RIC8B: variants seen among roughly 807,000 people sequenced by gnomAD.
RIC8B encodes RIC8 guanine nucleotide exchange factor B.
RIC8B carries 16 observed loss-of-function variants against 57.5 expected under a neutral mutation model. That is an observed-to-expected ratio of 0.28 (90% CI 0.19 to 0.42). RIC8B has a LOEUF of 0.42. Among genes scored for constraint, RIC8B ranks in the 10% least tolerant of loss-of-function variants. RIC8B has a pLI of 1.00. For synonymous variants in RIC8B, 216 were observed against 250.8 expected (o/e 0.86, Z 1.31); for missense variants, 481 against 677.0 (o/e 0.71, Z 3.21).
intron 2 of RIC8B, among the ~76,000 whole-genome samples, 191 bp from the exon 3 acceptor site, chr12:106,814,505 T>G (rs1251301285): frequency 6.6e-6 from 1 of 152,238 alleles, no homozygotes; most frequent in Admixed American, 6.5e-5. Context: ...ACAGCTATGA[T>G]TCAAACTGAT....
At chr12:106,852,367 A>AC (rs1372081844) in intron 7 of RIC8B, among the ~76,000 whole-genome samples, 1 of 152,188 alleles carries the variant, frequency 6.6e-6, no homozygotes, top group African/African-American at 2.4e-5. Context: ...TTTTTAAAGT[A>AC]CCCCAGTTTT....
intron 8 of RIC8B, among the ~76,000 whole-genome samples, chr12:106,870,241 C>T (rs1231776967): frequency 1.3e-5 from 2 of 152,032 alleles, no homozygotes; most frequent in Admixed American, 1.3e-4. Flanking sequence ...GATTTCATCC[C>T]TTTTTTTGTC....
At chr12:106,837,639 G>GTTTTTTTTTT (rs375634080) in intron 4 of RIC8B, among the ~76,000 whole-genome samples, 2 of 115,328 alleles carry the variant, frequency 1.7e-5, no homozygotes, top group Non-Finnish European at 1.8e-5. Context: ...AAAATCTTTT[G>GTTTTTTTTTT]TTTTTTTTTT....
At chr12:106,807,482 A>AG (rs1263019599) in intron 2 of RIC8B, among the ~76,000 whole-genome samples, 6 of 152,210 alleles carry the variant, frequency 3.9e-5, no homozygotes, top group Non-Finnish European at 7.3e-5. Flanking sequence ...TTTAGGCTAT[A>AG]GAAGGGGATA....
chr12:106,778,244 C>T lies in RIC8B; in HGVS notation c.84+3415C>T, dbSNP rs887923481. On this transcript the variant is annotated intron_variant, in intron 1 of 9. Transcript: ENST00000392837. The stretch of plus-strand genomic sequence containing the variant: ...GTACCTTGTACCGCTTTTAGAGATA[C>T]CTGTCGGGCTCCGGGAAACATCTAA... Among the ~76,000 whole-genome samples, 8 of 152,302 alleles carry T rather than the reference C, an allele frequency of 5.3e-5. No homozygotes were observed. In the East Asian group the frequency reaches 1.4e-3, roughly 26 times the overall value.
chr12:106,817,189 C>A (rs961186119), intron 3 of RIC8B, among the ~76,000 whole-genome samples: 1 of 152,142 alleles, frequency 6.6e-6, no homozygotes, highest in East Asian at 1.9e-4. Flanking sequence ...ACATAATGCC[C>A]TGCATTATGT....
chr12:106,858,034 A>G (rs934591382), intron 7 of RIC8B, among the ~76,000 whole-genome samples: 28 of 152,306 alleles, frequency 1.8e-4, no homozygotes, highest in Admixed American at 1.6e-3. Context: ...CACGATTTTC[A>G]TAAAATTGCC....
At chr12:106,790,401 G>C (rs1360709876) in intron 2 of RIC8B, among the ~76,000 whole-genome samples, 1 of 152,194 alleles carries the variant, frequency 6.6e-6, no homozygotes, top group Non-Finnish European at 1.5e-5. Context: ...AGTAAAGTCA[G>C]ATACAACGGC....
At position 106,888,872 on chromosome 12, in the gene RIC8B, G is replaced by A. The variant is rs1051031716; in HGVS notation, c.*2857G>A. On this transcript the variant is annotated 3_prime_UTR_variant, in exon 10 of 10. Coordinates refer to ENST00000392837, the MANE Select transcript of RIC8B (RefSeq NM_001330145.2). ...TGCTGCTACAGAGGAACAATCACCA[G>A]ATATTGTGACCCTTTCAGATGCCCA... 2 of 152,166 alleles carry A rather than the reference G, an allele frequency of 1.3e-5. No individual in the cohort carries two copies. The highest frequency in any genetic ancestry group is 2.4e-5 in the African/African-American group (1 of 41,420). The allele number at this position is 152,166 out of a possible 1,614,324, so 9.4% of individuals were successfully genotyped here. A position where few individuals can be genotyped will look rare whatever the true frequency, so the allele number is the denominator to read the frequency against.
intron 2 of RIC8B, among the ~76,000 whole-genome samples, chr12:106,804,583 T>A (rs1447419879): frequency 6.6e-6 from 1 of 152,232 alleles, no homozygotes; most frequent in African/African-American, 2.4e-5. Context: ...GGGAATCAAA[T>A]CCAGAGCTTT....
intron 2 of RIC8B, among the ~76,000 whole-genome samples, chr12:106,808,182 A>G (rs1359364527): frequency 6.6e-6 from 1 of 152,154 alleles, no homozygotes; most frequent in Non-Finnish European, 1.5e-5. Flanking sequence ...TTTACATAGC[A>G]TTTATGTTGT....
intron 8 of RIC8B, among the ~76,000 whole-genome samples, chr12:106,864,776 T>G (rs1352920583): frequency 1.3e-5 from 2 of 152,198 alleles, no homozygotes; most frequent in African/African-American, 2.4e-5. Flanking sequence ...CCATCACCAC[T>G]ATCTCTCTTC....
intron 2 of RIC8B, among the ~76,000 whole-genome samples, chr12:106,803,811 C>T (rs953354984): frequency 6.6e-6 from 1 of 152,116 alleles, no homozygotes; most frequent in Admixed American, 6.5e-5. Flanking sequence ...AAAAACAAGC[C>T]ACCTTTAAAA....
At chr12:106,828,964 TA>T (rs963126166) in intron 4 of RIC8B, among the ~76,000 whole-genome samples, 2 of 151,732 alleles carry the variant, frequency 1.3e-5, no homozygotes, top group African/African-American at 4.8e-5. Context: ...AAAAGTAGGT[TA>T]AAAAAAATAG....
chr12:106,876,321 GATA>G (rs1950662752), intron 9 of RIC8B, among the ~76,000 whole-genome samples: 2 of 152,050 alleles, frequency 1.3e-5, no homozygotes, highest in Admixed American at 6.6e-5. Context: ...ATATGGAAAT[GATA>G]ATATTTTTGA....
At chr12:106,861,972 T>C (rs1949960153) in intron 8 of RIC8B, among the ~76,000 whole-genome samples, 1 of 152,112 alleles carries the variant, frequency 6.6e-6, no homozygotes, top group Non-Finnish European at 1.5e-5. Flanking sequence ...GTAATGGTCA[T>C]ATATGTAGCA....
At chr12:106,834,323 G>A (rs1361936526) in intron 4 of RIC8B, among the ~76,000 whole-genome samples, 1 of 151,986 alleles carries the variant, frequency 6.6e-6, no homozygotes, top group African/African-American at 2.4e-5. Flanking sequence ...CTTCAATGTT[G>A]GTGTCTTTGT....
At chr12:106,842,874 C>A in intron 5 of RIC8B, 57 bp downstream of exon 5, 1 of 1,052,864 alleles carries the variant, frequency 9.5e-7, no homozygotes, top group Non-Finnish European at 1.5e-6. Flanking sequence ...GTAAATGTGC[C>A]ATACATACAG....
At position 106,867,601 on chromosome 12, in the gene RIC8B, T is replaced by C. The variant is rs759103718; in HGVS notation, c.1452-3222T>C. Reference sequence around the variant, plus strand: ...CAGGTATTTGTTCCACCAAAAGTAATCTATTTTATGAAATCTCACGTCTTT... The same window carrying C: ...CAGGTATTTGTTCCACCAAAAGTAACCTATTTTATGAAATCTCACGTCTTT... On this transcript the variant is annotated intron_variant, in intron 8 of 9. Transcript: ENST00000392837. This position sits in a 1 kb window ranked among gnomAD's most constrained non-coding sequence, Gnocchi z 4.3. 2.6e-5 allele frequency among the ~76,000 whole-genome samples: 4 copies of C among 152,196 alleles called. No individual in the cohort carries two copies. Among genetic ancestry groups the C allele is most frequent in the Non-Finnish European group, 5.9e-5 (4 of 68,040 alleles).
Sources: allele counts gnomAD v4.1 joint callset (sites outside exome capture counted in the v4.1 genomes callset), GRCh38; gene constraint gnomAD v4.1.1; non-coding constraint Gnocchi (gnomAD v3.1); transcripts MANE v1.5; gene names NCBI Gene and HGNC (gene_info 2026-07-23, HGNC 2026-07-21).